Variants in TRPC3 observed in about 807,000 individuals in gnomAD.
TRPC3 encodes the protein transient receptor potential cation channel subfamily C member 3.
In TRPC3, 54 loss-of-function variants were observed where a neutral mutation model predicts 90.9. The ratio of observed to expected loss-of-function variants is 0.59; its 90% CI spans 0.48 to 0.75. TRPC3 has a LOEUF of 0.75. TRPC3 is among the 30% of genes least tolerant of loss of function. The pLI, the probability that TRPC3 is intolerant of heterozygous loss-of-function variation, is 0.00. For synonymous variants in TRPC3, 424 were observed against 450.9 expected, an observed-to-expected ratio of 0.94 and a Z score of 0.75; for missense variants, 918 against 1,194.5, an observed-to-expected ratio of 0.77 and a Z score of 3.41.
chr4:121,929,663 G>C (rs1729829996), intron 2 of TRPC3, among the ~76,000 whole-genome samples: 1 of 151,886 alleles, frequency 6.6e-6, no homozygotes, highest in African/African-American at 2.4e-5. Context: ...TTAGGGTATT[G>C]ACCTTCACAT....
rs906216151 is a variant in TRPC3 at position 121,874,983 on chromosome 4, TA to T, written c.*4752del. Among the ~76,000 whole-genome samples, 16 of 151,270 alleles carry T rather than the reference TA, an allele frequency of 1.1e-4. No homozygotes were observed. The highest frequency in any genetic ancestry group is 3.4e-4 in the African/African-American group (14 of 41,210). Reference sequence around the variant, plus strand: ...CTAAAAAACAAACAAAAAACTAACTTAAAAAAAATGAAAAGTAAAGATAAAC... The same window carrying T: ...CTAAAAAACAAACAAAAAACTAACTTAAAAAAATGAAAAGTAAAGATAAAC... On this transcript the variant is annotated 3_prime_UTR_variant, in exon 12 of 12. Coordinates refer to ENST00000379645, the MANE Select transcript of TRPC3 (RefSeq NM_001130698.2).
At chr4:121,949,731 T>C (rs1730619588) in intron 1 of TRPC3, among the ~76,000 whole-genome samples, 1 of 152,154 alleles carries the variant, frequency 6.6e-6, no homozygotes, top group African/African-American at 2.4e-5. Context: ...CTCTACAAAA[T>C]AAGTATACCA....
chr4:121,907,564 C>T lies in TRPC3; in HGVS notation c.1796G>A (p.Arg599Lys). 1 of 1,592,592 alleles carries T rather than the reference C, an allele frequency of 6.3e-7. No homozygotes were observed. Among genetic ancestry groups the T allele is most frequent in the Non-Finnish European group, 8.5e-7 (1 of 1,172,236 alleles). ...PPEIQYFTYA[R>K]DKWLPSDPQI... Reference sequence around the variant, plus strand: ...AGGGTCAGAAGGGAGCCATTTATCTCTAGCTAGAAAAAAGAGAGAAAGAGA... The same window carrying T: ...AGGGTCAGAAGGGAGCCATTTATCTTTAGCTAGAAAAAAGAGAGAAAGAGA... The change falls in exon 7 of 12, where the codon AGA becomes AAA. Residue 599 changes from arginine to lysine, a missense_variant. Around this residue, in one of 4 missense-constraint regions of TRPC3, gnomAD observed 147 missense variants for 263.5 expected, o/e 0.56. Transcript: ENST00000379645.
chr4:121,907,612 A>G (rs1472215764), intron 6 of TRPC3, 45 bp from the exon 7 acceptor site: 3 of 1,564,168 alleles, frequency 1.9e-6, no homozygotes, highest in Admixed American at 1.9e-5. Context: ...CTTTCTATTC[A>G]TTGCCAACTA....
In TRPC3 at chr4:121,951,531, G is replaced by A. The variant is rs933777623; in HGVS notation, c.150C>T (p.Arg50=). The stretch of plus-strand genomic sequence containing the variant: ...GCGGCTCCCGCTGCGAGGGCGCCGA[G>A]CGCGGCTCCAGCCCCCCGTTGACGC... The part of the protein sequence containing the change: ...WRGVNGGLEP[R]SAPSQREPHG... Residue 50 remains arginine (R), a synonymous_variant, in exon 1 of 12, where the codon CGC becomes CGT. Transcript: ENST00000379645. The surrounding 1 kb of genome is among the most constrained non-coding windows in gnomAD (Gnocchi z 4.4). 3.7e-5 allele frequency: 52 copies of A among 1,401,530 alleles called. No individual in the cohort carries two copies. Among genetic ancestry groups the A allele is most frequent in the Non-Finnish European group, 4.4e-5 (47 of 1,076,706 alleles). 86.8% of individuals were successfully genotyped at this position (1,401,530 alleles called of 1,614,324 possible). A position where few individuals can be genotyped will look rare whatever the true frequency, so the allele number is the denominator to read the frequency against.
chr4:121,886,352 A>G (rs1728117515), intron 10 of TRPC3, among the ~76,000 whole-genome samples: 1 of 152,190 alleles, frequency 6.6e-6, no homozygotes, highest in Admixed American at 6.5e-5. Flanking sequence ...ATGAAGGGTA[A>G]TAAGACTGAT....
intron 9 of TRPC3, among the ~76,000 whole-genome samples, 184 bp downstream of exon 9, chr4:121,902,668 G>A (rs1262997761): frequency 2.0e-5 from 3 of 152,078 alleles, no homozygotes; most frequent in African/African-American, 4.8e-5. Flanking sequence ...GCAGGGCCTC[G>A]ACTCAGTGAC....
intron 2 of TRPC3, among the ~76,000 whole-genome samples, chr4:121,929,685 C>CATACCTACT (rs1320400250): frequency 6.6e-6 from 1 of 151,960 alleles, no homozygotes; most frequent in Non-Finnish European, 1.5e-5. Flanking sequence ...TTTTAAACAC[C>CATACCTACT]ATACCTACTG....
At chr4:121,910,852 T>C (rs916294084) in intron 5 of TRPC3, among the ~76,000 whole-genome samples, 1 of 152,204 alleles carries the variant, frequency 6.6e-6, no homozygotes, top group Non-Finnish European at 1.5e-5. Context: ...TTCCCAATGA[T>C]ACTCATATCA....
Position 121,928,389 on chromosome 4 carries a change from T to C in TRPC3, c.988-3183A>G, listed in dbSNP as rs141426931. Among the ~76,000 whole-genome samples, 449 of 152,300 alleles carry C rather than the reference T, an allele frequency of 2.9e-3. 1 individual carries two copies. Among genetic ancestry groups the C allele is most frequent in the Middle Eastern group, 0.02 (6 of 294 alleles). On this transcript the variant is annotated intron_variant, in intron 2 of 11. Transcript: ENST00000379645. The stretch of plus-strand genomic sequence containing the variant: ...TGGTGATTTCTTTTGTTATAGTCAT[T>C]GGATACCATTTTTTAAACCTATGCA...
chr4:121,924,919 G>A (rs964093470), intron 3 of TRPC3, 99 bp downstream of exon 3: 61 of 1,319,628 alleles, frequency 4.6e-5, no homozygotes, highest in Middle Eastern at 3.8e-4. Flanking sequence ...GCCTACTAGC[G>A]TCTAGTCTTA....
intron 1 of TRPC3, among the ~76,000 whole-genome samples, chr4:121,939,914 C>T (rs985325104): frequency 6.6e-6 from 1 of 152,190 alleles, no homozygotes; most frequent in African/African-American, 2.4e-5. Context: ...CACATAAGCT[C>T]CCCTCCCCCA....
rs1729651243 is a variant in TRPC3 at position 121,924,952 on chromosome 4, A to AT, written c.1176+65dup. 6.7e-6 allele frequency: 10 copies of AT among 1,492,412 alleles called. No individual in the cohort carries two copies. In the Middle Eastern group the frequency reaches 5.4e-4, roughly 80 times the overall value. The allele number at this position is 1,492,412 out of a possible 1,614,324, so 92.4% of individuals were successfully genotyped here. A position where few individuals can be genotyped will look rare whatever the true frequency, so the allele number is the denominator to read the frequency against. On this transcript the variant is annotated intron_variant, in intron 3 of 11. Transcript: ENST00000379645. ...TTATTATTTTAATAATTTTCCTAGGATTATGGCATAGTTTGTATCACATGT... is the reference window on the plus strand; with the variant it reads ...TTATTATTTTAATAATTTTCCTAGGATTTATGGCATAGTTTGTATCACATGT...
In TRPC3 at chr4:121,887,650, T is replaced by C. The variant is rs374195320; in HGVS notation, c.2548-5221A>G. Among the ~76,000 whole-genome samples the C allele has an allele frequency of 3.9e-5, 6 of 152,340 alleles. No individual in the cohort carries two copies. The East Asian group carries it at 9.6e-4, about 24-fold the overall frequency. On this transcript the variant is annotated intron_variant, in intron 10 of 11. Coordinates refer to ENST00000379645, the MANE Select transcript of TRPC3 (RefSeq NM_001130698.2). Reference sequence around the variant, plus strand: ...AGGGTGTTACCAAAGCGAAGTCATCTGTGAAAGCAGATCTGCCAGCAAGAG... The same window carrying C: ...AGGGTGTTACCAAAGCGAAGTCATCCGTGAAAGCAGATCTGCCAGCAAGAG...
At chr4:121,903,624 G>A (rs1248780837) in intron 8 of TRPC3, among the ~76,000 whole-genome samples, 3 of 152,112 alleles carry the variant, frequency 2.0e-5, no homozygotes, top group East Asian at 1.9e-4. Flanking sequence ...TGCTGCCCAC[G>A]GTGATGGAGA....
At chr4:121,891,204 C>T (rs1019372030) in intron 10 of TRPC3, among the ~76,000 whole-genome samples, 1 of 150,664 alleles carries the variant, frequency 6.6e-6, no homozygotes, top group African/African-American at 2.4e-5. Context: ...TCTGGAGCAA[C>T]ATCTACACAT....
At chr4:121,893,048 G>A (rs1027968110) in intron 10 of TRPC3, among the ~76,000 whole-genome samples, 1 of 150,590 alleles carries the variant, frequency 6.6e-6, no homozygotes, top group Non-Finnish European at 1.5e-5. Context: ...TTGAATCCAG[G>A]AGGTGGAGGT....
chr4:121,904,493 TAA>T lies in TRPC3; in HGVS notation c.2080_2081del (p.Leu694IlefsTer9). The part of the protein sequence containing the change: ...FTTVEESFKT[L>X]FWSIFGLSEV... The stretch of plus-strand genomic sequence containing the variant: ...CAGACAACCCAAATATTGACCAAAA[TAA>T]AGTCTTGAAACTTTCTTCTACACTG... On this transcript the variant is annotated frameshift_variant, in exon 8 of 12. Coordinates refer to ENST00000379645, the MANE Select transcript of TRPC3 (RefSeq NM_001130698.2). LOFTEE classifies it high-confidence loss of function. The T allele has an allele frequency of 6.4e-7, 1 of 1,566,662 alleles. No individual in the cohort carries two copies. The highest frequency in any genetic ancestry group is 8.6e-7 in the Non-Finnish European group (1 of 1,160,200).
In TRPC3 at chr4:121,906,853, T is replaced by C. The variant is rs181401378; in HGVS notation, c.2057+450A>G. ...AACCAGTATGGCCAAAGGAAGAAAC[T>C]GGTATTACCATGATAGTGGGCTATA... is the stretch of plus-strand genomic sequence containing the variant. On this transcript the variant is annotated intron_variant, in intron 7 of 11. Coordinates refer to ENST00000379645, the MANE Select transcript of TRPC3 (RefSeq NM_001130698.2). Among the ~76,000 whole-genome samples, 16 of 152,190 alleles carry C rather than the reference T, an allele frequency of 1.1e-4. No homozygotes were observed. In the East Asian group the frequency reaches 2.5e-3, roughly 24 times the overall value.
Sources: gnomAD v4.1 joint callset for allele counts (sites outside exome capture counted in the v4.1 genomes callset) on GRCh38, gnomAD v4.1.1 for gene constraint, gnomAD v4.1.1 regional missense constraint, Gnocchi (gnomAD v3.1) non-coding constraint, MANE v1.5 for transcripts, NCBI Gene and HGNC (gene_info 2026-07-23, HGNC 2026-07-21) for gene names.